Variants in FIG4 observed in about 807,000 individuals in gnomAD.
The protein encoded by FIG4 is FIG4 phosphoinositide 5-phosphatase.
FIG4 carries 112 observed loss-of-function variants against 118.6 expected under a neutral mutation model. The ratio of observed to expected loss-of-function variants is 0.94; its 90% CI spans 0.81 to 1.11. The LOEUF (loss-of-function observed/expected upper bound fraction) is 1.11. Ranked by LOEUF, FIG4 falls within the 50% of genes least tolerant of loss-of-function variation. The pLI is 0.00. For synonymous variants in FIG4, 369 were observed against 381.2 expected (o/e 0.97, Z 0.37); for missense variants, 969 against 1,111.7 (o/e 0.87, Z 1.83).
intron 19 of FIG4, 77 bp from the exon 20 acceptor site, chr6:109,791,299 T>G: frequency 1.6e-6 from 2 of 1,270,628 alleles, no homozygotes; most frequent in Non-Finnish European, 2.3e-6. Flanking sequence ...GGCCTAAGGC[T>G]TTGGGACAGA....
At chr6:109,700,004 T>G (rs1470820458) in intron 1 of FIG4, among the ~76,000 whole-genome samples, 1 of 152,178 alleles carries the variant, frequency 6.6e-6, no homozygotes, top group Non-Finnish European at 1.5e-5. Flanking sequence ...CTTGAACCTC[T>G]TTCATAAGTG....
At chr6:109,743,371 G>A in intron 9 of FIG4, 99 bp downstream of exon 9, 2 of 1,193,650 alleles carry the variant, frequency 1.7e-6, no homozygotes, top group Non-Finnish European at 2.5e-6. Context: ...GTTTTCAGGA[G>A]GTTTTAGTCC....
At chr6:109,815,943 A>G (rs919782639) in intron 22 of FIG4, among the ~76,000 whole-genome samples, 1 of 152,148 alleles carries the variant, frequency 6.6e-6, no homozygotes, top group African/African-American at 2.4e-5. Flanking sequence ...TTATATTAAT[A>G]ATACTAACAG....
chr6:109,785,114 C>T, intron 17 of FIG4, 86 bp downstream of exon 17: 1 of 805,680 alleles, frequency 1.2e-6, no homozygotes. Context: ...ATCCTTTGCA[C>T]ATAGTATTTT....
At chr6:109,730,188 A>G (rs1204534995) in intron 4 of FIG4, among the ~76,000 whole-genome samples, 2 of 152,018 alleles carry the variant, frequency 1.3e-5, no homozygotes, top group Non-Finnish European at 2.9e-5. Context: ...AGCTGGGACT[A>G]CAGACACATG....
At chr6:109,812,943 A>C (rs1778761562) in intron 22 of FIG4, among the ~76,000 whole-genome samples, 1 of 152,200 alleles carries the variant, frequency 6.6e-6, no homozygotes, top group Admixed American at 6.5e-5. Context: ...AAGGCACTGA[A>C]TCATTTTGTA....
At position 109,765,025 on chromosome 6, in the gene FIG4, C is replaced by T. The variant is rs1228223508; in HGVS notation, c.1447C>T (p.Arg483Ter). 4 of 1,613,716 alleles carry T rather than the reference C, an allele frequency of 2.5e-6. No individual in the cohort carries two copies. Among genetic ancestry groups the T allele is most frequent in the African/African-American group, 1.3e-5 (1 of 74,900 alleles). The change falls in exon 14 of 23, where the codon CGA becomes TGA. Residue 483 changes from arginine to a stop codon, truncating the protein, a stop_gained. Transcript: ENST00000230124. LOFTEE classifies it high-confidence loss of function. ...TATTTCTCTTTAGACTGGCATCCTTCGAACCAACTGTGTGGACTGTTTAGA... is the reference window on the plus strand; with the variant it reads ...TATTTCTCTTTAGACTGGCATCCTTTGAACCAACTGTGTGGACTGTTTAGA... ...PTGRLQTGILRTNCVDCLDRT... is the reference protein window; with the variant it reads ...PTGRLQTGIL
intron 22 of FIG4, among the ~76,000 whole-genome samples, chr6:109,816,433 T>C (rs1778864521): frequency 6.6e-6 from 1 of 152,148 alleles, no homozygotes; most frequent in Admixed American, 6.5e-5. Context: ...GATGACTAAA[T>C]GAAATGTGTC....
At chr6:109,812,714 A>G (rs552772275) in intron 22 of FIG4, among the ~76,000 whole-genome samples, 1 of 152,322 alleles carries the variant, frequency 6.6e-6, no homozygotes, top group South Asian at 2.1e-4. Context: ...TTAGGAAAAA[A>G]TGGCAAGTAA....
chr6:109,707,992 CTT>C (rs548333111), intron 1 of FIG4, among the ~76,000 whole-genome samples: 12 of 141,444 alleles, frequency 8.5e-5, no homozygotes, highest in Admixed American at 2.1e-4. Flanking sequence ...TCTCAGTATT[CTT>C]TTTTTTTTTT....
At chr6:109,702,719 G>A (rs1023555345) in intron 1 of FIG4, among the ~76,000 whole-genome samples, 5 of 151,788 alleles carry the variant, frequency 3.3e-5, no homozygotes, top group Non-Finnish European at 7.4e-5. Flanking sequence ...TTGAACTAGG[G>A]GCCCTTTGCT....
intron 1 of FIG4, among the ~76,000 whole-genome samples, chr6:109,701,352 G>C (rs1165508247): frequency 6.6e-6 from 1 of 152,210 alleles, no homozygotes; most frequent in Non-Finnish European, 1.5e-5. Context: ...GTGCAACTAG[G>C]AGTTTCCAGC....
intron 22 of FIG4, among the ~76,000 whole-genome samples, chr6:109,802,363 A>G (rs569866269): frequency 3.2e-4 from 48 of 152,356 alleles, no homozygotes; most frequent in Non-Finnish European, 5.4e-4. Context: ...AGTTCCTGCC[A>G]TACATATTCT....
intron 18 of FIG4, among the ~76,000 whole-genome samples, chr6:109,788,371 G>A (rs533251327): frequency 5.3e-5 from 8 of 152,172 alleles, no homozygotes; most frequent in African/African-American, 1.9e-4. Flanking sequence ...CTATGTGTGG[G>A]GACCATCTTA....
At chr6:109,797,675 C>T (rs1341313900) in intron 22 of FIG4, among the ~76,000 whole-genome samples, 1 of 152,040 alleles carries the variant, frequency 6.6e-6, no homozygotes, top group Non-Finnish European at 1.5e-5. Context: ...ATGGGTGGAT[C>T]ACCTGAGGTC....
chr6:109,715,120 C>A lies in FIG4; in HGVS notation c.109C>A (p.Arg37Ser). ...VGSNNAETKY[R>S]VLKIDRTEPK... is the part of the protein sequence containing the mutation. ...GAGCAATAATGCAGAAACGAAATAT[C>A]GTGTCTTGAAGATTGATAGAACAGA... The change falls in exon 2 of 23, where the codon CGT becomes AGT. Residue 37 changes from arginine to serine, a missense_variant. Around this residue, in one of 3 missense-constraint regions of FIG4, gnomAD observed 393 missense variants for 409.4 expected, o/e 0.96. Transcript: ENST00000230124. 1.9e-6 allele frequency: 3 copies of A among 1,606,030 alleles called. No homozygotes were observed. The highest frequency in any genetic ancestry group is 2.6e-6 in the Non-Finnish European group (3 of 1,173,204).
At chr6:109,776,551 A>G (rs1034400304) in intron 15 of FIG4, among the ~76,000 whole-genome samples, 2 of 152,218 alleles carry the variant, frequency 1.3e-5, no homozygotes, top group Non-Finnish European at 2.9e-5. Flanking sequence ...AAGTGAAGAT[A>G]CATTTACTTC....
intron 1 of FIG4, among the ~76,000 whole-genome samples, chr6:109,695,611 C>G (rs1442758022): frequency 2.0e-5 from 3 of 152,056 alleles, no homozygotes; most frequent in South Asian, 4.2e-4. Flanking sequence ...GACACACACA[C>G]ACACACACAC....
intron 1 of FIG4, among the ~76,000 whole-genome samples, chr6:109,704,126 C>T (rs1774985091): frequency 6.6e-6 from 1 of 152,186 alleles, no homozygotes; most frequent in Non-Finnish European, 1.5e-5. Context: ...GTTTCTTCTC[C>T]AGTCATCTCG....
Sources: allele counts gnomAD v4.1 joint callset (sites outside exome capture counted in the v4.1 genomes callset), GRCh38; gene constraint gnomAD v4.1.1; regional missense constraint gnomAD v4.1.1; transcripts MANE v1.5; gene names NCBI Gene and HGNC (gene_info 2026-07-23, HGNC 2026-07-21).